EFCAB13: variants seen among roughly 807,000 people sequenced by gnomAD.
The protein encoded by EFCAB13 is EF-hand calcium-binding domain-containing protein 13.
In EFCAB13, 91 loss-of-function variants were observed where a neutral mutation model predicts 110.2. The observed-to-expected ratio is 0.83, with a 90% CI of 0.70 to 0.98. The LOEUF (loss-of-function observed/expected upper bound fraction) is 0.98. EFCAB13 is among the 50% of genes least tolerant of loss of function. The pLI is 0.00. For synonymous variants in EFCAB13, 323 were observed against 369.9 expected (o/e 0.87, Z 1.45); for missense variants, 968 against 1,119.4 (o/e 0.86, Z 1.93).
intron 12 of EFCAB13, among the ~76,000 whole-genome samples, chr17:47,376,512 A>T (rs1381070761): frequency 6.6e-6 from 1 of 152,204 alleles, no homozygotes; most frequent in Admixed American, 6.5e-5. Flanking sequence ...AACTTCCCAA[A>T]ACAAATTAAT....
intron 23 of EFCAB13, among the ~76,000 whole-genome samples, chr17:47,420,849 C>G (rs1196838988): frequency 1.3e-5 from 2 of 151,958 alleles, no homozygotes; most frequent in African/African-American, 4.8e-5. Context: ...GCCACCCCGT[C>G]CGGGAGGGAG....
intron 14 of EFCAB13, among the ~76,000 whole-genome samples, chr17:47,384,148 T>G (rs1261031055): frequency 2.0e-5 from 3 of 151,558 alleles, no homozygotes; most frequent in Admixed American, 6.6e-5. Flanking sequence ...ACCCCCAGTT[T>G]TTTTTTTTTG....
intron 23 of EFCAB13, among the ~76,000 whole-genome samples, chr17:47,415,393 T>C (rs1344365668): frequency 1.3e-5 from 2 of 151,580 alleles, no homozygotes; most frequent in South Asian, 2.1e-4. Context: ...ATAATAATAA[T>C]AAAAAAAAGA....
At chr17:47,361,244 G>A (rs1372270687) in intron 9 of EFCAB13, 134 bp from the exon 10 acceptor site, 4 of 722,314 alleles carry the variant, frequency 5.5e-6, no homozygotes, top group African/African-American at 1.8e-5. Flanking sequence ...TCAGTGGTTT[G>A]CTTGTAGATA....
chr17:47,368,630 AGTTGTAGCACC>A (rs1332064296), intron 10 of EFCAB13, among the ~76,000 whole-genome samples: 2 of 152,192 alleles, frequency 1.3e-5, no homozygotes, highest in East Asian at 3.8e-4. Flanking sequence ...TATGAACCTC[AGTTGTAGCACC>A]ATGTGGCTCA....
rs148930618 is a variant in EFCAB13 at position 47,393,937 on chromosome 17, C to A, written c.1727-88C>A. 1,726 of 635,046 alleles carry A rather than the reference C, an allele frequency of 2.7e-3. 9 individuals are homozygous for A. Among genetic ancestry groups the A allele is most frequent in the Non-Finnish European group, 3.7e-3 (1,448 of 389,032 alleles). 39.3% of individuals were successfully genotyped at this position (635,046 alleles called of 1,614,324 possible). A position where few individuals can be genotyped will look rare whatever the true frequency, so the allele number is the denominator to read the frequency against. On this transcript the variant is annotated intron_variant, in intron 15 of 24. Transcript: ENST00000331493. ...ACCTGATGGATATAATTATATATTT[C>A]TGAATATATAACGTATTTTATATAA...
rs538093341 is a variant in EFCAB13 at position 47,348,239 on chromosome 17, G to A, written c.661+288G>A. Among the ~76,000 whole-genome samples the A allele has an allele frequency of 2.0e-3, 302 of 150,926 alleles. 1 individual carries two copies. The highest frequency in any genetic ancestry group is 6.8e-3 in the Middle Eastern group (2 of 294). ...GCATGGTCTAATCTTATTTAGTTAC[G>A]TAATTTAAATAATGTAATAAATACT... On this transcript the variant is annotated intron_variant, in intron 9 of 24. Transcript: ENST00000331493.
chr17:47,420,978 G>A (rs535206132), intron 23 of EFCAB13, among the ~76,000 whole-genome samples: 14 of 150,564 alleles, frequency 9.3e-5, no homozygotes, highest in East Asian at 5.9e-4. Context: ...CGCCCCGTCC[G>A]GGAGGGAGGT....
intron 21 of EFCAB13, among the ~76,000 whole-genome samples, chr17:47,412,061 T>A (rs1396520108): frequency 6.6e-6 from 1 of 152,194 alleles, no homozygotes; most frequent in African/African-American, 2.4e-5. Context: ...ACCACTGCAC[T>A]CCAGCCTGGG....
At chr17:47,338,589 G>C (rs2065365273) in intron 5 of EFCAB13, among the ~76,000 whole-genome samples, 1 of 151,816 alleles carries the variant, frequency 6.6e-6, no homozygotes. Context: ...AGTTAGAATA[G>C]AATTGAAAAC....
chr17:47,383,658 C>T (rs892324559), intron 14 of EFCAB13, among the ~76,000 whole-genome samples: 3 of 152,088 alleles, frequency 2.0e-5, no homozygotes, highest in Non-Finnish European at 4.4e-5. Flanking sequence ...TTGTGATTTC[C>T]ATTCTTTTGC....
intron 24 of EFCAB13, chr17:47,430,198 T>A: frequency 1.8e-6 from 2 of 1,106,364 alleles, no homozygotes; most frequent in African/African-American, 3.3e-5. Flanking sequence ...ACCTAGGAGG[T>A]GAGATTATTT....
chr17:47,363,373 A>C lies in EFCAB13; in HGVS notation c.805+1852A>C, dbSNP rs146460219. On this transcript the variant is annotated intron_variant, in intron 10 of 24. Transcript: ENST00000331493. ...TGAGCCACTGGGCCCAGCCTGATTC[A>C]TTCACTTAATGAATCAGATAGTCAG... Among the ~76,000 whole-genome samples the C allele has an allele frequency of 2.2e-4, 33 of 152,194 alleles. No individual in the cohort carries two copies. The South Asian group carries it at 2.7e-3, about 12-fold the overall frequency.
chr17:47,428,581 C>T (rs1187036037), intron 23 of EFCAB13, among the ~76,000 whole-genome samples: 1 of 152,006 alleles, frequency 6.6e-6, no homozygotes, highest in Non-Finnish European at 1.5e-5. Flanking sequence ...GAGATCTACA[C>T]ATAATATGCC....
At chr17:47,351,305 G>GTGCGCGCGCA (rs748940130) in intron 9 of EFCAB13, among the ~76,000 whole-genome samples, 2 of 113,176 alleles carry the variant, frequency 1.8e-5, no homozygotes, top group African/African-American at 6.5e-5. Flanking sequence ...GTGTGTGTGT[G>GTGCGCGCGCA]CGCGCGCGCG....
chr17:47,420,942 G>T (rs527880252), intron 23 of EFCAB13, among the ~76,000 whole-genome samples: 1 of 151,054 alleles, frequency 6.6e-6, no homozygotes, highest in African/African-American at 2.4e-5. Flanking sequence ...CTACTGGGAA[G>T]TGAGGAGCCC....
At chr17:47,352,396 G>A (rs1960132492) in intron 9 of EFCAB13, among the ~76,000 whole-genome samples, 1 of 152,004 alleles carries the variant, frequency 6.6e-6, no homozygotes, top group Admixed American at 6.6e-5. Flanking sequence ...AAGATCAGGT[G>A]GCTATAGATA....
intron 14 of EFCAB13, among the ~76,000 whole-genome samples, chr17:47,384,144 AGTTTTTTTTTTTT>A (rs1385445594): frequency 1.5e-5 from 2 of 134,758 alleles, no homozygotes; most frequent in South Asian, 2.4e-4. Flanking sequence ...TGCAACCCCC[AGTTTTTTTTTTTT>A]GTTTTTTTTT....
chr17:47,390,003 C>T (rs2065697429), intron 14 of EFCAB13, among the ~76,000 whole-genome samples: 1 of 152,154 alleles, frequency 6.6e-6, no homozygotes, highest in African/African-American at 2.4e-5. Context: ...TTTTAAGAAT[C>T]ATCAAGTTCA....
Sources: gnomAD v4.1 joint callset for allele counts (sites outside exome capture counted in the v4.1 genomes callset) on GRCh38, gnomAD v4.1.1 for gene constraint, MANE v1.5 for transcripts, NCBI Gene and HGNC (gene_info 2026-07-23, HGNC 2026-07-21) for gene names.